Variants in WWOX observed in about 807,000 individuals in gnomAD.
The protein encoded by WWOX is WW domain containing oxidoreductase, also known as WW domain-containing oxidoreductase.
WWOX carries 69 observed loss-of-function variants against 46.2 expected under a neutral mutation model. The observed-to-expected ratio is 1.49, with a 90% CI of 1.23 to 1.82. The LOEUF (loss-of-function observed/expected upper bound fraction) is 1.82, where lower values mean the gene tolerates loss of function less well. Ranked by LOEUF, WWOX falls within the 40% of genes most tolerant of loss-of-function variation. WWOX has a pLI of 0.00. For missense variants in WWOX, 919 were observed against 542.6 expected (o/e 1.69, Z -6.89); for synonymous variants, 359 against 202.6 (o/e 1.77, Z -6.56).
Position 78,959,124 on chromosome 16 carries a change from G to A in WWOX, c.1057-252484G>A, listed in dbSNP as rs1236466217. Among the ~76,000 whole-genome samples the A allele has an allele frequency of 3.9e-5, 6 of 152,118 alleles. No homozygotes were observed. The East Asian group carries it at 9.6e-4, about 24-fold the overall frequency. ...CATCTTCCAATTAGAATGTTTATCC[G>A]AACTTACCGCTAGGTATTTCCTTGT... On this transcript the variant is annotated intron_variant, in intron 8 of 8. Coordinates refer to ENST00000566780, the MANE Select transcript of WWOX (RefSeq NM_016373.4).
At chr16:78,718,428 C>G (rs1206699304) in intron 8 of WWOX, among the ~76,000 whole-genome samples, 7 of 152,038 alleles carry the variant, frequency 4.6e-5, no homozygotes, top group Admixed American at 3.3e-4. Flanking sequence ...TTTTTGCTCA[C>G]TTGAGTTGGA....
chr16:79,169,353 C>T (rs2050656661), intron 8 of WWOX, among the ~76,000 whole-genome samples: 1 of 152,178 alleles, frequency 6.6e-6, no homozygotes, highest in Admixed American at 6.5e-5. Flanking sequence ...ACTGCATAAA[C>T]CACAACAACT....
intron 8 of WWOX, among the ~76,000 whole-genome samples, chr16:78,746,357 G>T (rs1300090093): frequency 3.9e-5 from 6 of 152,080 alleles, no homozygotes; most frequent in African/African-American, 1.4e-4. Context: ...AATTAGCTGG[G>T]AATGATGGTG....
intron 8 of WWOX, among the ~76,000 whole-genome samples, chr16:78,459,465 T>A (rs1289027914): frequency 6.6e-6 from 1 of 152,230 alleles, no homozygotes; most frequent in Non-Finnish European, 1.5e-5. Context: ...TTCTTCCTTT[T>A]CTAACTATCA....
intron 8 of WWOX, among the ~76,000 whole-genome samples, chr16:79,157,043 A>T (rs1444169896): frequency 6.6e-6 from 1 of 152,218 alleles, no homozygotes; most frequent in South Asian, 2.1e-4. Context: ...GGCCCTGGCC[A>T]TTCCTTTAGA....
intron 8 of WWOX, among the ~76,000 whole-genome samples, chr16:79,171,848 T>A (rs878956547): frequency 1.3e-5 from 2 of 152,092 alleles, no homozygotes; most frequent in Non-Finnish European, 2.9e-5. Context: ...AAAAAAAAAA[T>A]TACCAAAACA....
At chr16:78,237,809 C>T (rs2037493432) in intron 5 of WWOX, 1 of 152,220 alleles carries the variant, frequency 6.6e-6, no homozygotes, top group African/African-American at 2.4e-5. Flanking sequence ...GTTTTTCTCT[C>T]CTGTTATGTA....
chr16:78,683,336 G>C (rs2047775274), intron 8 of WWOX, among the ~76,000 whole-genome samples: 1 of 151,510 alleles, frequency 6.6e-6, no homozygotes, highest in Admixed American at 6.6e-5. Flanking sequence ...TCAGGAGTTG[G>C]AGACCAGCCT....
chr16:79,052,190 T>A (rs1178701918), intron 8 of WWOX, among the ~76,000 whole-genome samples: 4 of 149,600 alleles, frequency 2.7e-5, no homozygotes, highest in Non-Finnish European at 5.9e-5. Flanking sequence ...CCCTCCCCCT[T>A]CCCCCCACCC....
chr16:78,939,594 G>A (rs1180690411), intron 8 of WWOX, among the ~76,000 whole-genome samples: 1 of 152,162 alleles, frequency 6.6e-6, no homozygotes, highest in East Asian at 1.9e-4. Flanking sequence ...TACTGAAATG[G>A]CTTAGAATGC....
At chr16:78,381,603 G>A (rs989784967) in intron 5 of WWOX, among the ~76,000 whole-genome samples, 30 of 152,282 alleles carry the variant, frequency 2.0e-4, no homozygotes, top group African/African-American at 6.7e-4. Context: ...TAACATTTCT[G>A]TTTTGCCTGA....
intron 3 of WWOX, among the ~76,000 whole-genome samples, chr16:78,112,340 C>T (rs1415750082): frequency 6.6e-6 from 1 of 152,178 alleles, no homozygotes. Context: ...ACCACTGACA[C>T]TATTTTTCAC....
intron 8 of WWOX, among the ~76,000 whole-genome samples, chr16:78,679,906 T>A (rs554586351): frequency 2.6e-5 from 4 of 152,272 alleles, no homozygotes; most frequent in African/African-American, 9.6e-5. Context: ...TCCCAGACAC[T>A]CCGTAACCAA....
intron 8 of WWOX, among the ~76,000 whole-genome samples, chr16:79,021,608 A>C (rs142138078): frequency 6.2e-4 from 94 of 152,162 alleles, no homozygotes; most frequent in Non-Finnish European, 1.2e-3. Context: ...AATAGCTGCG[A>C]CTCTCGCGTG....
At chr16:78,655,282 A>G (rs2047055313) in intron 8 of WWOX, among the ~76,000 whole-genome samples, 1 of 152,060 alleles carries the variant, frequency 6.6e-6, no homozygotes, top group Non-Finnish European at 1.5e-5. Context: ...ATTTGATTTG[A>G]TCACTTAGAG....
intron 8 of WWOX, among the ~76,000 whole-genome samples, chr16:79,120,313 T>C (rs1314529607): frequency 6.6e-6 from 1 of 152,174 alleles, no homozygotes; most frequent in Non-Finnish European, 1.5e-5. Context: ...ATGCTCAAGC[T>C]ATTGCTGTCA....
intron 5 of WWOX, among the ~76,000 whole-genome samples, chr16:78,179,201 A>G (rs949804582): frequency 1.3e-4 from 20 of 152,246 alleles, no homozygotes; most frequent in African/African-American, 4.8e-4. Context: ...TGGGCTTTAT[A>G]TAACTTTTAG....
chr16:78,395,541 C>T (rs1430713492), intron 6 of WWOX, among the ~76,000 whole-genome samples: 2 of 151,656 alleles, frequency 1.3e-5, no homozygotes, highest in Non-Finnish European at 2.9e-5. Flanking sequence ...GAGAGAAGGG[C>T]AGAAAGAAAG....
intron 8 of WWOX, among the ~76,000 whole-genome samples, chr16:79,174,438 C>T (rs1024109331): frequency 6.6e-6 from 1 of 152,140 alleles, no homozygotes; most frequent in African/African-American, 2.4e-5. Flanking sequence ...CACCTGAGGT[C>T]AGGAGTTTGA....
Sources: allele counts gnomAD v4.1 joint callset (sites outside exome capture counted in the v4.1 genomes callset), GRCh38; gene constraint gnomAD v4.1.1; transcripts MANE v1.5; gene names NCBI Gene and HGNC (gene_info 2026-07-23, HGNC 2026-07-21).